ITSN1: variants seen among roughly 807,000 people sequenced by gnomAD.
ITSN1 encodes the protein intersectin-1.
A neutral mutation model predicts 239.8 loss-of-function variants in ITSN1; 58 were observed. The ratio of observed to expected loss-of-function variants is 0.24; its 90% CI spans 0.20 to 0.30. The LOEUF (loss-of-function observed/expected upper bound fraction) is 0.30, where lower values mean the gene tolerates loss of function less well. Among genes scored for constraint, ITSN1 ranks in the 10% least tolerant of loss-of-function variants. The pLI is 1.00. For synonymous variants in ITSN1, 780 were observed against 770.8 expected, an observed-to-expected ratio of 1.01 and a Z score of -0.20; for missense variants, 1,558 against 2,103.3, an observed-to-expected ratio of 0.74 and a Z score of 5.07.
At chr21:33,877,071 T>TTTTTTTTTTTTTTTTTTTGA (rs1602690008) in intron 34 of ITSN1, among the ~76,000 whole-genome samples, 2 of 145,616 alleles carry the variant, frequency 1.4e-5, no homozygotes, top group South Asian at 4.5e-4. Context: ...TTTTTTTTTT[T>TTTTTTTTTTTTTTTTTTTGA]GAAATGGAGT....
At chr21:33,878,544 C>T (rs1984389421) in intron 34 of ITSN1, among the ~76,000 whole-genome samples, 2 of 152,172 alleles carry the variant, frequency 1.3e-5, no homozygotes, top group Admixed American at 6.5e-5. Flanking sequence ...CTCATCCACT[C>T]CTCCTGTGGT....
chr21:33,842,863 G>A (rs1348465280), intron 29 of ITSN1, among the ~76,000 whole-genome samples: 1 of 152,066 alleles, frequency 6.6e-6, no homozygotes, highest in East Asian at 1.9e-4. Flanking sequence ...CATCAAGGAC[G>A]CTGTTTCCCT....
At chr21:33,832,951 C>G (rs145788699) in intron 27 of ITSN1, among the ~76,000 whole-genome samples, 38 of 152,180 alleles carry the variant, frequency 2.5e-4, no homozygotes, top group South Asian at 4.2e-4. Context: ...ATAAATGTCT[C>G]CCTCCCACCT....
At chr21:33,868,090 G>A (rs746633465) in intron 33 of ITSN1, among the ~76,000 whole-genome samples, 1 of 152,186 alleles carries the variant, frequency 6.6e-6, no homozygotes. Context: ...CTGCTGGCTC[G>A]GGCAGCCTGC....
chr21:33,718,399 A>G (rs747834291), intron 1 of ITSN1, among the ~76,000 whole-genome samples: 1 of 152,232 alleles, frequency 6.6e-6, no homozygotes, highest in Non-Finnish European at 1.5e-5. Context: ...AATTATGTCT[A>G]TACTAAACAT....
Position 33,765,910 on chromosome 21 carries a change from C to T in ITSN1, c.824C>T (p.Thr275Ile), listed in dbSNP as rs754239354. ...GACATTGATCAAGATGGAAAACTTA[C>T]AGCAGAGGAATTTATCCTGGCAATG... is the stretch of plus-strand genomic sequence containing the variant. ...LSDIDQDGKL[T>I]AEEFILAMHL... The change falls in exon 10 of 40, where the codon ACA becomes ATA. Residue 275 changes from threonine (T) to isoleucine (I), a missense_variant. Physicochemically the swap from Thr to Ile is moderately conservative, Grantham distance 89 (BLOSUM62 -1). Transcript: ENST00000381318. 8 of 1,613,988 alleles carry T rather than the reference C, an allele frequency of 5.0e-6. No homozygotes were observed. The African/African-American group carries it at 9.3e-5, about 19-fold the overall frequency.
At position 33,889,744 on chromosome 21, in the gene ITSN1, T is replaced by C. The variant is rs1478343541; in HGVS notation, c.*1444T>C. Reference sequence around the variant, plus strand: ...TTGATTGTAGGTCCTTAGACTTTAATTAGGGTTATCAAAGTGCTTTCTAAA... The same window carrying C: ...TTGATTGTAGGTCCTTAGACTTTAACTAGGGTTATCAAAGTGCTTTCTAAA... On this transcript the variant is annotated 3_prime_UTR_variant, in exon 40 of 40. Coordinates refer to ENST00000381318, the MANE Select transcript of ITSN1 (RefSeq NM_003024.3). 2.0e-5 allele frequency: 3 copies of C among 152,232 alleles called. No homozygotes were observed. The highest frequency in any genetic ancestry group is 2.0e-4 in the Admixed American group (3 of 15,288). The allele number at this position is 152,232 out of a possible 1,614,324, so 9.4% of individuals were successfully genotyped here. A position where few individuals can be genotyped will look rare whatever the true frequency, so the allele number is the denominator to read the frequency against.
intron 14 of ITSN1, among the ~76,000 whole-genome samples, chr21:33,777,022 A>C (rs1035120656): frequency 6.6e-6 from 1 of 152,008 alleles, no homozygotes; most frequent in Non-Finnish European, 1.5e-5. Flanking sequence ...TTCTTCTAGA[A>C]GTTTTTGGGG....
chr21:33,648,671 C>A (rs775935383), intron 1 of ITSN1, among the ~76,000 whole-genome samples: 1 of 152,034 alleles, frequency 6.6e-6, no homozygotes, highest in Non-Finnish European at 1.5e-5. Flanking sequence ...CATAGCAAGA[C>A]CCTACAAAAA....
At position 33,797,433 on chromosome 21, in the gene ITSN1, G is replaced by A; in HGVS notation, c.2007G>A (p.Glu669=). 6.2e-7 allele frequency: 1 copy of A among 1,614,032 alleles called. No individual in the cohort carries two copies. Among genetic ancestry groups the A allele is most frequent in the South Asian group, 1.1e-5 (1 of 91,072 alleles). ...TGGAGCATGTGCAGCAGGAGGACGA[G>A]CATCAGAGACCAAGAAAACTCCACG... is the stretch of plus-strand genomic sequence containing the variant. ...QWLEHVQQED[E]HQRPRKLHEE... The change falls in exon 18 of 40, where the codon GAG becomes GAA. Residue 669 remains glutamate, a synonymous_variant. Coordinates refer to ENST00000381318, the MANE Select transcript of ITSN1 (RefSeq NM_003024.3). This position sits in a 1 kb window ranked among gnomAD's most constrained non-coding sequence, Gnocchi z 4.9.
intron 8 of ITSN1, 123 bp from the exon 9 acceptor site, chr21:33,761,800 G>C: frequency 1.5e-6 from 1 of 685,856 alleles, no homozygotes; most frequent in Non-Finnish European, 2.6e-6. Flanking sequence ...AGTAGCAAAT[G>C]TTATTTAAAG....
chr21:33,741,339 A>C (rs1025239925), intron 5 of ITSN1, among the ~76,000 whole-genome samples: 1 of 152,234 alleles, frequency 6.6e-6, no homozygotes. Flanking sequence ...AAACACATTA[A>C]AAATATAGTT....
Position 33,750,128 on chromosome 21 carries a change from G to GT in ITSN1, c.347-9dup, listed in dbSNP as rs764400585. 12 of 1,612,790 alleles carry GT rather than the reference G, an allele frequency of 7.4e-6. No homozygotes were observed. Among genetic ancestry groups the GT allele is most frequent in the Admixed American group, 5.0e-5 (3 of 59,852 alleles). On this transcript the variant is annotated splice_polypyrimidine_tract_variant and intron_variant, in intron 5 of 39. Coordinates refer to ENST00000381318, the MANE Select transcript of ITSN1 (RefSeq NM_003024.3). ...GATTGGATGTGAATGGTGTTGAGCT[G>GT]TTTTTTCTTCATAGGTATGGGAGGT...
rs577042257 is a variant in ITSN1, at chr21:33,791,439, A to G, written c.1825-2902A>G. On this transcript the variant is annotated intron_variant, in intron 16 of 39. Transcript: ENST00000381318. ...TCCTAAGATCGGTTCAAATACTGCT[A>G]TACTCAAAAACAAGTGTGTTTAAAA... Among the ~76,000 whole-genome samples the G allele has an allele frequency of 5.3e-5, 8 of 152,356 alleles. No homozygotes were observed. The South Asian group carries it at 1.7e-3, about 32-fold the overall frequency.
At chr21:33,737,872 C>T (rs2066600647) in intron 5 of ITSN1, among the ~76,000 whole-genome samples, 1 of 152,128 alleles carries the variant, frequency 6.6e-6, no homozygotes, top group African/African-American at 2.4e-5. Context: ...TGCACCTGGC[C>T]TGCTTTCTAA....
intron 1 of ITSN1, among the ~76,000 whole-genome samples, chr21:33,694,024 C>G (rs570741690): frequency 6.6e-6 from 1 of 152,002 alleles, no homozygotes; most frequent in Admixed American, 6.6e-5. Flanking sequence ...ATGGATATAT[C>G]TTTTTTGGAG....
At chr21:33,831,396 G>A (rs1417425005) in intron 27 of ITSN1, among the ~76,000 whole-genome samples, 1 of 152,216 alleles carries the variant, frequency 6.6e-6, no homozygotes, top group Non-Finnish European at 1.5e-5. Context: ...TGTGAGGAAG[G>A]GGCCCATGGG....
intron 21 of ITSN1, among the ~76,000 whole-genome samples, 177 bp from the exon 22 acceptor site, chr21:33,813,729 CTTTTTCT>C (rs1475026419): frequency 6.6e-6 from 1 of 150,656 alleles, no homozygotes; most frequent in Non-Finnish European, 1.5e-5. Flanking sequence ...TGGTTGCCAT[CTTTTTCT>C]TTTTTCTTTT....
intron 1 of ITSN1, among the ~76,000 whole-genome samples, chr21:33,686,230 G>A (rs879807281): frequency 1.6e-4 from 25 of 152,010 alleles, no homozygotes; most frequent in Non-Finnish European, 2.8e-4. Flanking sequence ...TAGAATTACT[G>A]TGATTAGATT....
Sources: gnomAD v4.1 joint callset for allele counts (sites outside exome capture counted in the v4.1 genomes callset) on GRCh38, gnomAD v4.1.1 for gene constraint, Gnocchi (gnomAD v3.1) non-coding constraint, MANE v1.5 for transcripts, NCBI Gene and HGNC (gene_info 2026-07-23, HGNC 2026-07-21) for gene names.